Variants in CTNNA3 observed in about 807,000 individuals in gnomAD.
CTNNA3 encodes catenin alpha 3.
In CTNNA3, 76 loss-of-function variants were observed where a neutral mutation model predicts 95.7. The observed-to-expected ratio is 0.79, with a 90% CI of 0.66 to 0.96. The LOEUF (loss-of-function observed/expected upper bound fraction) is 0.96. CTNNA3 is among the 40% of genes least tolerant of loss of function. The probability of loss-of-function intolerance (pLI) is 0.00; values close to 1 mark genes in which losing one functional copy is unlikely to be tolerated. For synonymous variants in CTNNA3, 431 were observed against 374.4 expected, an observed-to-expected ratio of 1.15 and a Z score of -1.74; for missense variants, 1,191 against 1,089.8, an observed-to-expected ratio of 1.09 and a Z score of -1.31.
intron 13 of CTNNA3, among the ~76,000 whole-genome samples, chr10:66,139,395 T>C (rs1053183458): frequency 6.6e-6 from 1 of 152,188 alleles, no homozygotes; most frequent in Non-Finnish European, 1.5e-5. Context: ...ATATGTCATA[T>C]GAATGGCTTA....
intron 1 of CTNNA3, among the ~76,000 whole-genome samples, chr10:67,664,515 T>C (rs1029437118): frequency 3.9e-5 from 6 of 152,188 alleles, no homozygotes; most frequent in Non-Finnish European, 5.9e-5. Flanking sequence ...CCCTATATTT[T>C]CTCTCTCATC....
chr10:67,669,301 C>T (rs1256775938), intron 1 of CTNNA3, among the ~76,000 whole-genome samples: 1 of 152,052 alleles, frequency 6.6e-6, no homozygotes, highest in Non-Finnish European at 1.5e-5. Flanking sequence ...AATGCAGAAT[C>T]CATGAACTTT....
At chr10:67,139,082 T>C (rs1424232448) in intron 7 of CTNNA3, among the ~76,000 whole-genome samples, 4 of 152,170 alleles carry the variant, frequency 2.6e-5, no homozygotes, top group Non-Finnish European at 4.4e-5. Context: ...ATTTTTAAAT[T>C]TGACATTATA....
rs182504482 is a variant in CTNNA3 at position 67,658,373 on chromosome 10, T to A, written c.-5-10855A>T. 6.0e-4 allele frequency among the ~76,000 whole-genome samples: 91 copies of A among 152,332 alleles called. 2 individuals carry two copies. Among genetic ancestry groups the A allele is most frequent in the African/African-American group, 2.1e-3 (86 of 41,572 alleles). On this transcript the variant is annotated intron_variant, in intron 1 of 17. Transcript: ENST00000433211. ...AACATTAGTTGATATCATTATCCCCTTTTAAGTGAAAGAACAGAATCTACT... is the reference window on the plus strand; with the variant it reads ...AACATTAGTTGATATCATTATCCCCATTTAAGTGAAAGAACAGAATCTACT...
intron 11 of CTNNA3, among the ~76,000 whole-genome samples, chr10:66,478,948 T>C (rs1384186179): frequency 2.0e-5 from 3 of 152,040 alleles, no homozygotes; most frequent in Non-Finnish European, 2.9e-5. Context: ...TTATAGATAA[T>C]AATTCTTATG....
intron 5 of CTNNA3, among the ~76,000 whole-genome samples, chr10:67,306,036 G>C (rs930381276): frequency 6.6e-6 from 1 of 152,204 alleles, no homozygotes; most frequent in Non-Finnish European, 1.5e-5. Flanking sequence ...AGTTTCAGAA[G>C]TGGGGTGGAA....
At chr10:66,065,240 G>A (rs10996873) in intron 15 of CTNNA3, among the ~76,000 whole-genome samples, 1 of 98,734 alleles carries the variant, frequency 1.0e-5, no homozygotes, top group Non-Finnish European at 2.2e-5. Flanking sequence ...GTTTTTTTTT[G>A]TTTTGTTTTG....
intron 10 of CTNNA3, among the ~76,000 whole-genome samples, chr10:66,573,415 T>C (rs2132171313): frequency 6.6e-6 from 1 of 152,298 alleles, no homozygotes; most frequent in East Asian, 1.9e-4. Flanking sequence ...CTCCTCCCAT[T>C]AATGAGAAAA....
chr10:66,926,793 T>A, intron 7 of CTNNA3: 1 of 966,248 alleles, frequency 1.0e-6, no homozygotes, highest in Non-Finnish European at 1.5e-6. Flanking sequence ...TACAAAGAGA[T>A]AATATGTGAT....
chr10:67,237,839 A>T (rs1865561423), intron 5 of CTNNA3, among the ~76,000 whole-genome samples: 1 of 152,196 alleles, frequency 6.6e-6, no homozygotes, highest in African/African-American at 2.4e-5. Flanking sequence ...TGGGTTTTTG[A>T]GTGGATTGGA....
chr10:66,470,531 T>C (rs1839089142), intron 11 of CTNNA3, among the ~76,000 whole-genome samples: 1 of 151,948 alleles, frequency 6.6e-6, no homozygotes. Context: ...TGGAAGCATT[T>C]GAATGAAGCA....
rs138844940 is a variant in CTNNA3 at position 67,249,102 on chromosome 10, A to G, written c.580-29232T>C. On this transcript the variant is annotated intron_variant, in intron 5 of 17. Transcript: ENST00000433211. ...AGAAAAGATAGATAAATCACATTTC[A>G]TGAAAACTAAAAAATTTTGCTTATC... 1.3e-4 allele frequency among the ~76,000 whole-genome samples: 20 copies of G among 152,114 alleles called. No individual in the cohort carries two copies. In the East Asian group the frequency reaches 3.9e-3, roughly 29 times the overall value.
chr10:67,072,252 CCTGT>C (rs1227642572), intron 7 of CTNNA3, among the ~76,000 whole-genome samples: 21 of 152,180 alleles, frequency 1.4e-4, no homozygotes, highest in African/African-American at 5.1e-4. Context: ...CCATGCCCAA[CCTGT>C]TTGATTATTT....
At chr10:66,375,903 G>A (rs2092793537) in intron 12 of CTNNA3, among the ~76,000 whole-genome samples, 1 of 152,112 alleles carries the variant, frequency 6.6e-6, no homozygotes, top group South Asian at 2.1e-4. Flanking sequence ...ACACTTTCCA[G>A]TCTCGGCCTC....
chr10:66,151,047 C>T (rs548043350), intron 13 of CTNNA3, among the ~76,000 whole-genome samples: 83 of 151,960 alleles, frequency 5.5e-4, no homozygotes, highest in African/African-American at 1.8e-3. Context: ...TTTTAAAATG[C>T]AATTATAAAA....
chr10:67,550,956 A>G (rs1841007706), intron 3 of CTNNA3, among the ~76,000 whole-genome samples: 1 of 152,122 alleles, frequency 6.6e-6, no homozygotes, highest in African/African-American at 2.4e-5. Flanking sequence ...TGCTATTGAC[A>G]GGGAAAGGAG....
chr10:67,072,808 T>C (rs1856540123), intron 7 of CTNNA3, among the ~76,000 whole-genome samples: 1 of 152,176 alleles, frequency 6.6e-6, no homozygotes, highest in Non-Finnish European at 1.5e-5. Flanking sequence ...AATGGTATGT[T>C]TGAGTTTGGT....
At chr10:67,564,677 G>GTGTGTGTGTGTA (rs1488656262) in intron 3 of CTNNA3, among the ~76,000 whole-genome samples, 8 of 61,334 alleles carry the variant, frequency 1.3e-4, no homozygotes, top group African/African-American at 5.1e-4. Context: ...GTGTGTGTGT[G>GTGTGTGTGTGTA]TATATATATA....
intron 9 of CTNNA3, among the ~76,000 whole-genome samples, chr10:66,763,277 A>C (rs1839675946): frequency 1.3e-5 from 2 of 150,594 alleles, no homozygotes; most frequent in South Asian, 4.3e-4. Context: ...CTGGGAGATA[A>C]ATGCAGTACT....
Sources: gnomAD v4.1 joint callset for allele counts (sites outside exome capture counted in the v4.1 genomes callset) on GRCh38, gnomAD v4.1.1 for gene constraint, MANE v1.5 for transcripts, NCBI Gene and HGNC (gene_info 2026-07-23, HGNC 2026-07-21) for gene names.